PARVA: variants seen among roughly 807,000 people sequenced by gnomAD.
PARVA encodes parvin alpha, also known as alpha-parvin.
A neutral mutation model predicts 52.6 loss-of-function variants in PARVA; 25 were observed. The ratio of observed to expected loss-of-function variants is 0.48; its 90% confidence interval spans 0.35 to 0.66. The LOEUF (loss-of-function observed/expected upper bound fraction) is 0.66, where lower values mean the gene tolerates loss of function less well. PARVA is among the 30% of genes least tolerant of loss of function. The probability of loss-of-function intolerance (pLI) is 0.01; values close to 1 mark genes in which losing one functional copy is unlikely to be tolerated. For synonymous variants in PARVA, 185 were observed against 179.1 expected (o/e 1.03, Z -0.26); for missense variants, 373 against 450.9 (o/e 0.83, Z 1.56).
chr11:12,417,491 A>G (rs80219424), intron 1 of PARVA, among the ~76,000 whole-genome samples: 10,897 of 152,230 alleles, frequency 0.072, 441 homozygotes, highest in South Asian at 0.14. Flanking sequence ...ATGTGTACCT[A>G]CAGTATTAAC....
At chr11:12,515,498 G>T (rs1461883549) in intron 10 of PARVA, among the ~76,000 whole-genome samples, 1 of 152,158 alleles carries the variant, frequency 6.6e-6, no homozygotes, top group Non-Finnish European at 1.5e-5. Context: ...TATGACAGGG[G>T]TCACTGCCAA....
At chr11:12,515,922 A>G (rs911844222) in intron 10 of PARVA, among the ~76,000 whole-genome samples, 5 of 152,120 alleles carry the variant, frequency 3.3e-5, no homozygotes, top group African/African-American at 1.2e-4. Flanking sequence ...CTGCATCCTC[A>G]ACTTCCCAGG....
At chr11:12,402,012 A>C (rs77977331) in intron 1 of PARVA, among the ~76,000 whole-genome samples, 6,120 of 152,314 alleles carry the variant, frequency 0.04, 139 homozygotes, top group African/African-American at 0.051. Flanking sequence ...TAGAGGGATT[A>C]AAAATTCATG....
intron 6 of PARVA, among the ~76,000 whole-genome samples, chr11:12,505,091 T>C (rs1941417885): frequency 6.6e-6 from 1 of 152,226 alleles, no homozygotes; most frequent in Admixed American, 6.5e-5. Flanking sequence ...GTGTGCTCTC[T>C]CCCTGTGACT....
At chr11:12,433,777 G>C (rs1940349373) in intron 1 of PARVA, among the ~76,000 whole-genome samples, 1 of 152,210 alleles carries the variant, frequency 6.6e-6, no homozygotes, top group Non-Finnish European at 1.5e-5. Flanking sequence ...ACCTCAAGGA[G>C]TTAAAAGTCT....
In PARVA at chr11:12,513,370, G is replaced by C. The variant is rs765697637; in HGVS notation, c.798+10G>C. On this transcript the variant is annotated intron_variant, in intron 9 of 12. Transcript: ENST00000334956. The stretch of plus-strand genomic sequence containing the variant: ...GAATGTGGTGAAAAAGGTGGGAAAG[G>C]GGTGCCTGGGATGGACAGAGGGAAG... 3.9e-5 allele frequency: 63 copies of C among 1,612,604 alleles called. No individual in the cohort carries two copies. Among genetic ancestry groups the C allele is most frequent in the South Asian group, 5.5e-5 (5 of 91,086 alleles).
intron 1 of PARVA, among the ~76,000 whole-genome samples, chr11:12,449,419 A>C (rs1940594023): frequency 6.6e-6 from 1 of 152,116 alleles, no homozygotes; most frequent in African/African-American, 2.4e-5. Context: ...ACCCTCCCTA[A>C]GTGCTGGGAT....
At chr11:12,392,884 C>G (rs933896789) in intron 1 of PARVA, among the ~76,000 whole-genome samples, 53 of 151,800 alleles carry the variant, frequency 3.5e-4, no homozygotes, top group African/African-American at 1.3e-3. Flanking sequence ...ACTGGGACAC[C>G]AGAGACATGC....
rs1248237775 is a variant in PARVA, at chr11:12,433,256, T to C, written c.137-40489T>C. On this transcript the variant is annotated intron_variant, in intron 1 of 12. Transcript: ENST00000334956. ...AAAGGATGAAAAACACCATCTGATTTACAGTTTTCCCATCTCTTATTTGAG... is the reference window on the plus strand; with the variant it reads ...AAAGGATGAAAAACACCATCTGATTCACAGTTTTCCCATCTCTTATTTGAG... Among the ~76,000 whole-genome samples the C allele has an allele frequency of 3.3e-4, 50 of 152,232 alleles. 1 individual carries two copies. The highest frequency in any genetic ancestry group is 3.3e-3 in the Admixed American group (50 of 15,280).
intron 1 of PARVA, among the ~76,000 whole-genome samples, chr11:12,397,796 G>A (rs1201749753): frequency 6.7e-6 from 1 of 149,932 alleles, no homozygotes; most frequent in Admixed American, 6.6e-5. Flanking sequence ...CAAGTCCCCT[G>A]CCCCCATTTT....
intron 1 of PARVA, among the ~76,000 whole-genome samples, chr11:12,440,190 A>G (rs1393017896): frequency 6.6e-6 from 1 of 152,230 alleles, no homozygotes; most frequent in Non-Finnish European, 1.5e-5. Flanking sequence ...CTGGCCATTC[A>G]TTCCAAATTC....
chr11:12,445,838 G>A (rs1475475771), intron 1 of PARVA, among the ~76,000 whole-genome samples: 1 of 152,074 alleles, frequency 6.6e-6, no homozygotes, highest in African/African-American at 2.4e-5. Context: ...TGAGAACACT[G>A]GCATTTGTCA....
chr11:12,431,817 C>T (rs1940319932), intron 1 of PARVA, among the ~76,000 whole-genome samples: 1 of 152,256 alleles, frequency 6.6e-6, no homozygotes, highest in Non-Finnish European at 1.5e-5. Context: ...AGCCACACTG[C>T]CTTGCTTGCC....
intron 6 of PARVA, among the ~76,000 whole-genome samples, chr11:12,507,061 T>C (rs1941439435): frequency 6.6e-6 from 1 of 151,756 alleles, no homozygotes; most frequent in Non-Finnish European, 1.5e-5. Context: ...ATGATAGATT[T>C]TTTTTTTTCT....
chr11:12,471,178 T>G (rs1026939359), intron 1 of PARVA, among the ~76,000 whole-genome samples: 1 of 152,058 alleles, frequency 6.6e-6, no homozygotes, highest in Admixed American at 6.6e-5. Flanking sequence ...GCTGGTATGG[T>G]GGGTATGAGG....
chr11:12,481,712 G>C (rs573262291), intron 4 of PARVA, among the ~76,000 whole-genome samples: 1 of 152,116 alleles, frequency 6.6e-6, no homozygotes, highest in Non-Finnish European at 1.5e-5. Context: ...GCTTCTAATC[G>C]TACTGGGGGT....
intron 5 of PARVA, among the ~76,000 whole-genome samples, chr11:12,503,692 C>G (rs1470686249): frequency 5.9e-5 from 9 of 151,932 alleles, no homozygotes; most frequent in Admixed American, 5.9e-4. Flanking sequence ...TAGGATTGTA[C>G]CACTGCACTC....
At chr11:12,525,402 T>C (rs1941687864) in intron 12 of PARVA, among the ~76,000 whole-genome samples, 1 of 152,126 alleles carries the variant, frequency 6.6e-6, no homozygotes, top group Non-Finnish European at 1.5e-5. Context: ...TAGAATGGTT[T>C]GGAAAGGGTA....
intron 1 of PARVA, among the ~76,000 whole-genome samples, chr11:12,386,213 C>T (rs1379911704): frequency 6.6e-6 from 1 of 152,188 alleles, no homozygotes; most frequent in East Asian, 1.9e-4. Context: ...CCAAGGCCTT[C>T]ACAGCTACTC....
Sources: allele counts gnomAD v4.1 joint callset (sites outside exome capture counted in the v4.1 genomes callset), GRCh38; gene constraint gnomAD v4.1.1; transcripts MANE v1.5; gene names NCBI Gene and HGNC (gene_info 2026-07-23, HGNC 2026-07-21).